DENND5B: variants seen among roughly 807,000 people sequenced by gnomAD.
The protein encoded by DENND5B is DENN domain containing 5B.
Under a neutral mutation model 140.6 loss-of-function variants are expected in DENND5B, and 34 were observed. The observed-to-expected ratio is 0.24, with a 90% confidence interval of 0.18 to 0.32. The LOEUF is 0.32. DENND5B is among the 10% of genes least tolerant of loss of function. The pLI is 1.00. For synonymous variants in DENND5B, 551 were observed against 562.1 expected (o/e 0.98, Z 0.28); for missense variants, 1,142 against 1,560.2 (o/e 0.73, Z 4.52).
intron 1 of DENND5B, among the ~76,000 whole-genome samples, chr12:31,496,502 C>G (rs1486987999): frequency 6.6e-6 from 1 of 152,124 alleles, no homozygotes; most frequent in Non-Finnish European, 1.5e-5. Context: ...AATAAATGAG[C>G]TATCCTAAGT....
In DENND5B at chr12:31,535,915, G is replaced by A. The variant is rs145815570; in HGVS notation, c.128-39996C>T. 2.6e-4 allele frequency among the ~76,000 whole-genome samples: 40 copies of A among 152,302 alleles called. No individual in the cohort carries two copies. The East Asian group carries it at 4.8e-3, about 18-fold the overall frequency. On this transcript the variant is annotated intron_variant, in intron 1 of 20. Coordinates refer to ENST00000389082, the MANE Select transcript of DENND5B (RefSeq NM_144973.4). ...TATAATCTCCAATGTTGGAGGTGGG[G>A]CCTGGTGGGAGGCGACTGGATCATG...
intron 2 of DENND5B, among the ~76,000 whole-genome samples, chr12:31,494,044 A>T (rs1946637907): frequency 6.6e-6 from 1 of 152,088 alleles, no homozygotes; most frequent in African/African-American, 2.4e-5. Context: ...CTCAAATATT[A>T]TTCAGGCTTC....
intron 8 of DENND5B, 121 bp from the exon 9 acceptor site, chr12:31,426,545 TA>T (rs1370262449): frequency 8.9e-7 from 1 of 1,117,330 alleles, no homozygotes; most frequent in African/African-American, 1.6e-5. Context: ...TGTATGTGCA[TA>T]TAACAACAAT....
chr12:31,474,984 C>T (rs568368161), intron 3 of DENND5B, among the ~76,000 whole-genome samples: 2 of 152,162 alleles, frequency 1.3e-5, no homozygotes, highest in African/African-American at 4.8e-5. Context: ...GTGCCCAATA[C>T]AGTTAACACA....
At chr12:31,462,530 G>A (rs749058591) in intron 3 of DENND5B, among the ~76,000 whole-genome samples, 11 of 152,122 alleles carry the variant, frequency 7.2e-5, no homozygotes, top group Non-Finnish European at 1.2e-4. Flanking sequence ...TAAGGACAGA[G>A]TGGCATCCAC....
At chr12:31,587,206 A>G (rs1007817364) in intron 1 of DENND5B, among the ~76,000 whole-genome samples, 1 of 152,166 alleles carries the variant, frequency 6.6e-6, no homozygotes, top group Non-Finnish European at 1.5e-5. Flanking sequence ...TCTTCCCCCA[A>G]GAGATGTCTT....
intron 1 of DENND5B, among the ~76,000 whole-genome samples, chr12:31,502,725 T>A (rs1378073080): frequency 6.6e-6 from 1 of 152,168 alleles, no homozygotes; most frequent in Non-Finnish European, 1.5e-5. Context: ...GCTTCTACGC[T>A]GGGGGGCTAC....
intron 2 of DENND5B, among the ~76,000 whole-genome samples, chr12:31,490,761 G>A (rs1171347000): frequency 7.2e-5 from 11 of 151,940 alleles, no homozygotes. Context: ...AGTATATATA[G>A]CCCTTTTTCC....
Position 31,590,725 on chromosome 12 carries a change from C to A in DENND5B, c.108G>T (p.Leu36=). The A allele has an allele frequency of 1.4e-6, 2 of 1,476,754 alleles. No homozygotes were observed. Among genetic ancestry groups the A allele is most frequent in the Non-Finnish European group, 1.8e-6 (2 of 1,119,922 alleles). The allele number at this position is 1,476,754 out of a possible 1,614,324, so 91.5% of individuals were successfully genotyped here. The change falls in exon 1 of 21, where the codon CTG becomes CTT. Residue 36 remains leucine (L), a synonymous_variant. Coordinates refer to ENST00000389082, the MANE Select transcript of DENND5B (RefSeq NM_144973.4). ...VLCGIDADSG[L]EPDELAGENF... is the part of the protein sequence containing the mutation. Reference sequence around the variant, plus strand: ...CCTTACCCGCCAGCTCGTCAGGCTCCAGCCCGCTGTCCGCGTCGATCCCGC... The same window carrying A: ...CCTTACCCGCCAGCTCGTCAGGCTCAAGCCCGCTGTCCGCGTCGATCCCGC...
At chr12:31,489,883 G>A (rs1946458486) in intron 2 of DENND5B, among the ~76,000 whole-genome samples, 1 of 152,190 alleles carries the variant, frequency 6.6e-6, no homozygotes. Flanking sequence ...AATTCACTAG[G>A]TGAAGGAGAG....
chr12:31,445,381 A>C (rs11616046), intron 6 of DENND5B, among the ~76,000 whole-genome samples: 19,796 of 152,100 alleles, frequency 0.13, 1,424 homozygotes, highest in East Asian at 0.25. Context: ...TCAATTGTAA[A>C]ATGAGGGCAG....
intron 3 of DENND5B, among the ~76,000 whole-genome samples, chr12:31,472,768 G>A (rs2138437294): frequency 6.6e-6 from 1 of 152,144 alleles, no homozygotes; most frequent in South Asian, 2.1e-4. Flanking sequence ...AATTGCTTGG[G>A]GATATATAGT....
chr12:31,584,831 C>T (rs12371045), intron 1 of DENND5B, among the ~76,000 whole-genome samples: 2 of 142,788 alleles, frequency 1.4e-5, no homozygotes, highest in Admixed American at 1.4e-4. Flanking sequence ...CCACACCCCC[C>T]ACCCACCCTC....
chr12:31,440,923 A>C (rs1944000995), intron 7 of DENND5B, among the ~76,000 whole-genome samples: 1 of 152,116 alleles, frequency 6.6e-6, no homozygotes, highest in African/African-American at 2.4e-5. Flanking sequence ...TTTAGTAGAG[A>C]CGGGGTTTCG....
intron 1 of DENND5B, among the ~76,000 whole-genome samples, chr12:31,537,057 T>C (rs1400598027): frequency 6.6e-6 from 1 of 152,186 alleles, no homozygotes; most frequent in African/African-American, 2.4e-5. Flanking sequence ...ACACCAGATC[T>C]AGCCTAGAAG....
Position 31,452,280 on chromosome 12 carries a change from T to A in DENND5B, c.1289A>T (p.Asn430Ile), listed in dbSNP as rs781643272. 8 of 1,613,902 alleles carry A rather than the reference T, an allele frequency of 5.0e-6. No homozygotes were observed. In the East Asian group the frequency reaches 1.6e-4, roughly 31 times the overall value. ...LKNMVLKDLV[N>I]DKKNGNVCTN... ...ACAGACATTGCCGTTCTTTTTGTCA[T>A]TGACCAAGTCTTTCAGAACCATATT... The change falls in exon 5 of 21, where the codon AAT (asparagine) becomes ATT (isoleucine). Residue 430 changes from asparagine to isoleucine, a missense_variant. Physicochemically the swap from Asn to Ile is moderately radical, Grantham distance 149. Around this residue, in one of 5 missense-constraint regions of DENND5B, gnomAD observed 708 missense variants for 905.5 expected, o/e 0.78. Coordinates refer to ENST00000389082, the MANE Select transcript of DENND5B (RefSeq NM_144973.4).
chr12:31,444,670 T>TG (rs1944198509), intron 6 of DENND5B, among the ~76,000 whole-genome samples: 1 of 152,224 alleles, frequency 6.6e-6, no homozygotes, highest in Admixed American at 6.5e-5. Flanking sequence ...ATTAAGGTAT[T>TG]GGTGCTTAGT....
At chr12:31,468,631 A>T (rs931488756) in intron 3 of DENND5B, among the ~76,000 whole-genome samples, 2 of 150,832 alleles carry the variant, frequency 1.3e-5, no homozygotes, top group Non-Finnish European at 2.9e-5. Flanking sequence ...ACACAGTGAG[A>T]CCCTGTCATT....
At chr12:31,531,144 T>C (rs964143836) in intron 1 of DENND5B, among the ~76,000 whole-genome samples, 1 of 152,236 alleles carries the variant, frequency 6.6e-6, no homozygotes, top group Non-Finnish European at 1.5e-5. Flanking sequence ...ACACATTACC[T>C]AACACTTTTA....
Sources: gnomAD v4.1 joint callset for allele counts (sites outside exome capture counted in the v4.1 genomes callset) on GRCh38, gnomAD v4.1.1 for gene constraint, gnomAD v4.1.1 regional missense constraint, MANE v1.5 for transcripts, NCBI Gene and HGNC (gene_info 2026-07-23, HGNC 2026-07-21) for gene names.